The following HEYL variants were observed in gnomAD, a reference collection of about 807,000 sequenced individuals.
HEYL encodes the protein hes related family bHLH transcription factor with YRPW motif like.
A neutral mutation model predicts 18.6 loss-of-function variants in HEYL; 12 were observed. That is an observed-to-expected ratio of 0.65 (90% CI 0.41 to 1.05). The LOEUF is 1.05. HEYL is among the 50% of genes least tolerant of loss of function. HEYL has a pLI of 0.00. For synonymous variants in HEYL, 159 were observed against 179.6 expected (o/e 0.89, Z 0.91); for missense variants, 420 against 444.7 (o/e 0.94, Z 0.50).
At chr1:39,636,239 G>A (rs1206755886) in intron 1 of HEYL, among the ~76,000 whole-genome samples, 2 of 151,468 alleles carry the variant, frequency 1.3e-5, no homozygotes, top group Non-Finnish European at 2.9e-5. Context: ...CGGAACTACA[G>A]CCAGGTCTAC....
chr1:39,632,825 G>C (rs1013520221), intron 1 of HEYL, 110 bp from the exon 2 acceptor site: 7 of 1,541,174 alleles, frequency 4.5e-6, no homozygotes, highest in African/African-American at 4.1e-5. Context: ...GGAGCAGCTT[G>C]CTCTCCCCTT....
In HEYL at chr1:39,627,164, T is replaced by C; in HGVS notation, c.330A>G (p.Arg110=). Residue 110 remains arginine, a synonymous_variant, in exon 5 of 5, where the codon CGA becomes CGG. Coordinates refer to ENST00000372852, the MANE Select transcript of HEYL (RefSeq NM_014571.4). ...TGCTCCGGAAGTCAACTGCCAGGGC[T>C]CGGGCATCAAAGAATCCTGCAAAGG... ...ATGGTGFFDA[R]ALAVDFRSIG... 6.2e-7 allele frequency: 1 copy of C among 1,611,894 alleles called. No homozygotes were observed. The highest frequency in any genetic ancestry group is 8.5e-7 in the Non-Finnish European group (1 of 1,178,320).
At chr1:39,631,636 C>A in intron 2 of HEYL, 57 bp from the exon 3 acceptor site, 1 of 1,383,178 alleles carries the variant, frequency 7.2e-7, no homozygotes. Context: ...TTCCAAAGTG[C>A]CTTGATGGTC....
chr1:39,631,561 G>A lies in HEYL; in HGVS notation c.166C>T (p.Arg56Ter), dbSNP rs139786829. The A allele has an allele frequency of 2.5e-5, 40 of 1,614,144 alleles. No individual in the cohort carries two copies. The East Asian group carries it at 8.0e-4, about 32-fold the overall frequency. Reference protein sequence around the residue: ...KHRGIIEKRRRDRINSSLSEL... With the variant: ...KHRGIIEKRR ...GAAAGGCTACTGTTGATGCGGTCTC[G>A]ACGCCGTTTCTCTATGATCTAAACA... is the stretch of plus-strand genomic sequence containing the variant. The change falls in exon 3 of 5, where the codon CGA becomes TGA. Residue 56 changes from arginine to a stop codon, truncating the protein, a stop_gained. Transcript: ENST00000372852. LOFTEE classifies it high-confidence loss of function.
At chr1:39,639,299 A>C (rs1054543857) in intron 1 of HEYL, among the ~76,000 whole-genome samples, 10 of 152,096 alleles carry the variant, frequency 6.6e-5, no homozygotes, top group African/African-American at 2.4e-4. Flanking sequence ...TGATCCCCCG[A>C]GCTGAACTCT....
Position 39,626,601 on chromosome 1 carries a change from G to C in HEYL, c.893C>G (p.Pro298Arg), listed in dbSNP as rs377079448. 239 of 1,555,870 alleles carry C rather than the reference G, an allele frequency of 1.5e-4. No homozygotes were observed. Among genetic ancestry groups the C allele is most frequent in the Non-Finnish European group, 2.0e-4 (228 of 1,150,966 alleles). The stretch of plus-strand genomic sequence containing the variant: ...AGCTGGCCCTGGGGAGGATGAGTTG[G>C]GGGTGGGAACAGCCACGTAAGCAGC... Reference protein sequence around the residue: ...GSAAYVAVPTPNSSSPGPAGR... With the variant: ...GSAAYVAVPTRNSSSPGPAGR... The change falls in exon 5 of 5, where the codon CCC becomes CGC. Residue 298 changes from proline (P) to arginine (R), a missense_variant. Coordinates refer to ENST00000372852, the MANE Select transcript of HEYL (RefSeq NM_014571.4).
At chr1:39,632,451 C>A (rs1328425554) in intron 2 of HEYL, among the ~76,000 whole-genome samples, 198 bp downstream of exon 2, 1 of 152,232 alleles carries the variant, frequency 6.6e-6, no homozygotes, top group East Asian at 1.9e-4. Flanking sequence ...TCCAGTTACA[C>A]AAAGGAGCAA....
chr1:39,638,371 C>G (rs963298256), intron 1 of HEYL, among the ~76,000 whole-genome samples: 1 of 152,148 alleles, frequency 6.6e-6, no homozygotes, highest in Non-Finnish European at 1.5e-5. Flanking sequence ...GCAGGAGGAT[C>G]ACTTAAGCCC....
At position 39,626,519 on chromosome 1, in the gene HEYL, G is replaced by C. The variant is rs1332607715; in HGVS notation, c.975C>G (p.Ile325Met). The C allele has an allele frequency of 2.0e-6, 3 of 1,530,444 alleles. No homozygotes were observed. The Admixed American group carries it at 6.5e-5, about 33-fold the overall frequency. The allele number at this position is 1,530,444 out of a possible 1,614,324, so 94.8% of individuals were successfully genotyped here. ...YHSWVSEITE[I>M]GAF ...GTGAAGGGGCAGCTCAGAAAGCCCCGATTTCAGTGATTTCAGAGACCCAGG... is the reference window on the plus strand; with the variant it reads ...GTGAAGGGGCAGCTCAGAAAGCCCCCATTTCAGTGATTTCAGAGACCCAGG... Residue 325 changes from isoleucine (I) to methionine (M), a missense_variant, in exon 5 of 5, where the codon ATC becomes ATG. Transcript: ENST00000372852.
rs976339620 is a variant in HEYL at position 39,632,979 on chromosome 1, G to A, written c.81-264C>T. Reference sequence around the variant, plus strand: ...CCCTCGCGGCGGCCGTCGGGGAACCGCGTACCGCGGCGCGGTGGCTCCGGC... The same window carrying A: ...CCCTCGCGGCGGCCGTCGGGGAACCACGTACCGCGGCGCGGTGGCTCCGGC... On this transcript the variant is annotated intron_variant, in intron 1 of 4. Coordinates refer to ENST00000372852, the MANE Select transcript of HEYL (RefSeq NM_014571.4). 5.1e-6 allele frequency: 5 copies of A among 979,708 alleles called. No individual in the cohort carries two copies. In the Admixed American group the frequency reaches 3.1e-4, roughly 60 times the overall value. 60.7% of individuals were successfully genotyped at this position (979,708 alleles called of 1,614,324 possible).
At chr1:39,636,267 T>A (rs1646362164) in intron 1 of HEYL, among the ~76,000 whole-genome samples, 1 of 151,868 alleles carries the variant, frequency 6.6e-6, no homozygotes, top group Non-Finnish European at 1.5e-5. Context: ...GCTTTTTTTT[T>A]TTTTTCTTTT....
In HEYL at chr1:39,626,679, A is replaced by G. The variant is rs370502372; in HGVS notation, c.815T>C (p.Ile272Thr). 4 of 1,515,094 alleles carry G rather than the reference A, an allele frequency of 2.6e-6. No individual in the cohort carries two copies. The highest frequency in any genetic ancestry group is 3.5e-6 in the Non-Finnish European group (4 of 1,129,724). The allele number at this position is 1,515,094 out of a possible 1,614,324, so 93.9% of individuals were successfully genotyped here. A position where few individuals can be genotyped will look rare whatever the true frequency, so the allele number is the denominator to read the frequency against. Residue 272 changes from isoleucine (I) to threonine (T), a missense_variant, in exon 5 of 5, where the codon ATC becomes ACC. By Grantham distance (89) the Ile-to-Thr change is moderately conservative. Coordinates refer to ENST00000372852, the MANE Select transcript of HEYL (RefSeq NM_014571.4). ...PSSRAARSSH[I>T]APLLQSSSPT... is the part of the protein sequence containing the mutation. ...GGAGGAAGACTGCAGGAGGGGAGCG[A>G]TGTGGCTGCTCCTGGCAGCCCTGCT...
At chr1:39,635,174 G>A (rs138167000) in intron 1 of HEYL, among the ~76,000 whole-genome samples, 9 of 152,326 alleles carry the variant, frequency 5.9e-5, no homozygotes, top group African/African-American at 1.9e-4. Flanking sequence ...TGGACAAGCC[G>A]ACCTGGTAAG....
intron 4 of HEYL, among the ~76,000 whole-genome samples, chr1:39,628,148 C>T (rs535918816): frequency 6.6e-6 from 1 of 152,220 alleles, no homozygotes; most frequent in South Asian, 2.1e-4. Context: ...ATGGCCCCCA[C>T]AGAGGAACAG....
At chr1:39,634,190 G>T (rs1251512180) in intron 1 of HEYL, among the ~76,000 whole-genome samples, 1 of 152,110 alleles carries the variant, frequency 6.6e-6, no homozygotes, top group Non-Finnish European at 1.5e-5. Flanking sequence ...CCGCCACCCG[G>T]TTCAAGTAAT....
At chr1:39,631,676 T>C (rs1282375544) in intron 2 of HEYL, 97 bp from the exon 3 acceptor site, 18 of 927,576 alleles carry the variant, frequency 1.9e-5, no homozygotes, top group South Asian at 9.6e-5. Flanking sequence ...CACAGTATTT[T>C]TGTGAGGGAG....
chr1:39,639,154 C>G (rs1042079023), intron 1 of HEYL, among the ~76,000 whole-genome samples: 2 of 152,214 alleles, frequency 1.3e-5, no homozygotes, highest in Non-Finnish European at 2.9e-5. Flanking sequence ...TGGGGTTACT[C>G]TGCATCGTCA....
At chr1:39,627,796 TAG>T (rs1646309206) in intron 4 of HEYL, among the ~76,000 whole-genome samples, 1 of 152,230 alleles carries the variant, frequency 6.6e-6, no homozygotes, top group Non-Finnish European at 1.5e-5. Flanking sequence ...GCCTACCGTA[TAG>T]AGTTATGAGG....
chr1:39,634,439 A>G (rs1012462232), intron 1 of HEYL, among the ~76,000 whole-genome samples: 1 of 152,174 alleles, frequency 6.6e-6, no homozygotes, highest in African/African-American at 2.4e-5. Context: ...AGGTGGTCCA[A>G]CTGGCCCCTG....
Sources: allele counts gnomAD v4.1 joint callset (sites outside exome capture counted in the v4.1 genomes callset), GRCh38; gene constraint gnomAD v4.1.1; transcripts MANE v1.5; gene names NCBI Gene and HGNC (gene_info 2026-07-23, HGNC 2026-07-21).